Variants in IFT80 observed in about 807,000 individuals in gnomAD.
IFT80 encodes the protein intraflagellar transport protein 80 homolog.
IFT80 carries 79 observed loss-of-function variants against 107.9 expected under a neutral mutation model. The ratio of observed to expected loss-of-function variants is 0.73; its 90% CI spans 0.61 to 0.88. The LOEUF is 0.88. Among genes scored for constraint, IFT80 ranks in the 40% least tolerant of loss-of-function variants. IFT80 has a pLI of 0.00. For synonymous variants in IFT80, 299 were observed against 300.9 expected, an observed-to-expected ratio of 0.99 and a Z score of 0.07; for missense variants, 797 against 914.2, an observed-to-expected ratio of 0.87 and a Z score of 1.65.
intron 8 of IFT80, among the ~76,000 whole-genome samples, chr3:160,352,135 C>T (rs1576853508): frequency 6.6e-6 from 1 of 151,992 alleles, no homozygotes; most frequent in Non-Finnish European, 1.5e-5. Context: ...CCTGCCTCAG[C>T]ACCCGCCACC....
chr3:160,372,377 C>T (rs537761476), intron 5 of IFT80, among the ~76,000 whole-genome samples: 54 of 152,284 alleles, frequency 3.5e-4, no homozygotes, highest in African/African-American at 1.3e-3. Context: ...TTTACAATCA[C>T]CCTCAAAACT....
At chr3:160,269,127 G>A (rs1713591549) in intron 18 of IFT80, among the ~76,000 whole-genome samples, 1 of 151,924 alleles carries the variant, frequency 6.6e-6, no homozygotes, top group South Asian at 2.1e-4. Flanking sequence ...TACTCGGGAG[G>A]CTGAGGCGGG....
rs556672039 is a variant in IFT80 at position 160,291,554 on chromosome 3, A to G, written c.1316-5686T>C. On this transcript the variant is annotated intron_variant, in intron 12 of 19. Transcript: ENST00000326448. Reference sequence around the variant, plus strand: ...TGCTTGGTTTATGAATAGCAGTTCAATTGTGAACATACAACATTTTATTTG... The same window carrying G: ...TGCTTGGTTTATGAATAGCAGTTCAGTTGTGAACATACAACATTTTATTTG... Among the ~76,000 whole-genome samples the G allele has an allele frequency of 1.3e-4, 20 of 152,342 alleles. 1 individual carries two copies. In the East Asian group the frequency reaches 3.7e-3, roughly 28 times the overall value.
intron 8 of IFT80, among the ~76,000 whole-genome samples, chr3:160,334,846 T>C (rs1193318825): frequency 6.6e-6 from 1 of 151,878 alleles, no homozygotes; most frequent in African/African-American, 2.4e-5. Flanking sequence ...TTTTCTAGAA[T>C]GATAAAATGT....
chr3:160,306,161 G>A (rs1716816384), intron 10 of IFT80, among the ~76,000 whole-genome samples: 1 of 152,018 alleles, frequency 6.6e-6, no homozygotes, highest in South Asian at 2.1e-4. Flanking sequence ...AATCACAAAA[G>A]AAGAAAAGCA....
At chr3:160,271,211 G>C (rs1713781778) in intron 18 of IFT80, among the ~76,000 whole-genome samples, 1 of 152,076 alleles carries the variant, frequency 6.6e-6, no homozygotes, top group Non-Finnish European at 1.5e-5. Flanking sequence ...ATTTAGGAGG[G>C]AACTTACTCC....
chr3:160,347,280 A>AT (rs200659622), intron 8 of IFT80, among the ~76,000 whole-genome samples: 328 of 151,288 alleles, frequency 2.2e-3, no homozygotes, highest in Admixed American at 6.6e-3. Context: ...ATTTAGCAGT[A>AT]TTTTTTTTTA....
intron 8 of IFT80, among the ~76,000 whole-genome samples, chr3:160,321,278 GACAA>G (rs1295022912): frequency 6.6e-6 from 1 of 151,844 alleles, no homozygotes; most frequent in African/African-American, 2.4e-5. Context: ...ATTTGTGTTT[GACAA>G]ACAAGAATTA....
At chr3:160,262,261 T>C (rs571131174) in intron 19 of IFT80, among the ~76,000 whole-genome samples, 1 of 152,272 alleles carries the variant, frequency 6.6e-6, no homozygotes, top group East Asian at 1.9e-4. Context: ...ATTTTAAAGA[T>C]GTGACAAGAC....
chr3:160,268,637 G>A, intron 18 of IFT80, 101 bp from the exon 19 acceptor site: 1 of 1,108,760 alleles, frequency 9.0e-7, no homozygotes, highest in Non-Finnish European at 1.4e-6. Flanking sequence ...TCTTCCCTCT[G>A]TTTATTCCAC....
At chr3:160,382,277 T>A (rs779870152) in intron 2 of IFT80, among the ~76,000 whole-genome samples, 1 of 152,208 alleles carries the variant, frequency 6.6e-6, no homozygotes, top group Non-Finnish European at 1.5e-5. Flanking sequence ...AAAGAACTTA[T>A]GGTTTAACAG....
chr3:160,264,682 C>A (rs1303110454), intron 19 of IFT80, among the ~76,000 whole-genome samples: 1 of 151,316 alleles, frequency 6.6e-6, no homozygotes, highest in African/African-American at 2.4e-5. Context: ...TCAAGTGATC[C>A]TCCCATCTCA....
At chr3:160,346,351 T>G (rs1374441239) in intron 8 of IFT80, among the ~76,000 whole-genome samples, 1 of 152,210 alleles carries the variant, frequency 6.6e-6, no homozygotes, top group Non-Finnish European at 1.5e-5. Flanking sequence ...AACATCACAT[T>G]ACCTGTACCT....
At chr3:160,312,146 G>C (rs1344267491) in intron 9 of IFT80, among the ~76,000 whole-genome samples, 2 of 152,108 alleles carry the variant, frequency 1.3e-5, no homozygotes, top group African/African-American at 4.8e-5. Context: ...TTGTCTGCAA[G>C]GCCACAGCTA....
intron 4 of IFT80, among the ~76,000 whole-genome samples, chr3:160,377,053 G>A (rs1394460510): frequency 6.6e-6 from 1 of 152,154 alleles, no homozygotes; most frequent in Non-Finnish European, 1.5e-5. Context: ...CATTTGTTAT[G>A]AGCAATAGAA....
intron 8 of IFT80, among the ~76,000 whole-genome samples, chr3:160,326,996 T>C (rs1358470748): frequency 6.6e-6 from 1 of 152,084 alleles, no homozygotes; most frequent in African/African-American, 2.4e-5. Context: ...ACAAAATCAA[T>C]GTGCAAAAAT....
intron 19 of IFT80, among the ~76,000 whole-genome samples, chr3:160,267,287 T>G (rs1713414925): frequency 6.6e-6 from 1 of 152,138 alleles, no homozygotes; most frequent in Admixed American, 6.5e-5. Flanking sequence ...CTCTCTATCT[T>G]CTCTCCTCTT....
At position 160,332,989 on chromosome 3, in the gene IFT80, C is replaced by T. The variant is rs186347829; in HGVS notation, c.778-13050G>A. 5.4e-4 allele frequency among the ~76,000 whole-genome samples: 82 copies of T among 152,170 alleles called. No homozygotes were observed. In the East Asian group the frequency reaches 0.014, roughly 25 times the overall value. ...ATTTCATCATGTGAACATCATAGAG[C>T]GTACTTATACAAATATAGATAATAT... On this transcript the variant is annotated intron_variant, in intron 8 of 19. Coordinates refer to ENST00000326448, the MANE Select transcript of IFT80 (RefSeq NM_020800.3).
intron 9 of IFT80, among the ~76,000 whole-genome samples, chr3:160,311,947 A>T (rs1237736853): frequency 6.6e-6 from 1 of 151,968 alleles, no homozygotes; most frequent in African/African-American, 2.4e-5. Context: ...CACCCGGCTA[A>T]TTTTTTTGTA....
Sources: allele counts gnomAD v4.1 joint callset (sites outside exome capture counted in the v4.1 genomes callset), GRCh38; gene constraint gnomAD v4.1.1; transcripts MANE v1.5; gene names NCBI Gene and HGNC (gene_info 2026-07-23, HGNC 2026-07-21).